DOCK3: variants seen among roughly 807,000 people sequenced by gnomAD.
DOCK3 encodes dedicator of cytokinesis 3.
In DOCK3, 60 loss-of-function variants were observed where a neutral mutation model predicts 265.6. That is an observed-to-expected ratio of 0.23 (90% CI 0.18 to 0.28). The LOEUF is 0.28. DOCK3 is among the 10% of genes least tolerant of loss of function. The probability of loss-of-function intolerance (pLI) is 1.00; values close to 1 mark genes in which losing one functional copy is unlikely to be tolerated. For missense variants in DOCK3, 1,981 were observed against 2,594.3 expected, an observed-to-expected ratio of 0.76 and a Z score of 5.14; for synonymous variants, 881 against 938.0, an observed-to-expected ratio of 0.94 and a Z score of 1.11.
At chr3:51,120,856 C>T (rs545735431) in intron 9 of DOCK3, among the ~76,000 whole-genome samples, 19 of 152,196 alleles carry the variant, frequency 1.2e-4, no homozygotes, top group African/African-American at 4.3e-4. Context: ...CAGACTTGTG[C>T]GCTGGCAGCA....
Position 50,854,591 on chromosome 3 carries a change from A to ATTTTTTTTTTTTTTTTTTT in DOCK3, c.162+12876_162+12877insTTTTTTTTTTTTTTTTTTT, listed in dbSNP as rs1559726991. Among the ~76,000 whole-genome samples, 15 of 4,326 alleles carry ATTTTTTTTTTTTTTTTTTT rather than the reference A, an allele frequency of 3.5e-3. 2 individuals are homozygous for ATTTTTTTTTTTTTTTTTTT. Among genetic ancestry groups the ATTTTTTTTTTTTTTTTTTT allele is most frequent in the African/African-American group, 5.9e-3 (14 of 2,356 alleles). 2.8% of individuals were successfully genotyped at this position (4,326 alleles called of 152,430 possible). ...AGCTACAGATGAGCACCATCACACC[A>ATTTTTTTTTTTTTTTTTTT]GTTTTTTTTTTTTTTTTTTGGTGGT... is the stretch of plus-strand genomic sequence containing the variant. On this transcript the variant is annotated intron_variant, in intron 3 of 52. Coordinates refer to ENST00000266037, the MANE Select transcript of DOCK3 (RefSeq NM_004947.5).
rs1319688306 is a variant in DOCK3 at position 50,690,305 on chromosome 3, T to A, written c.37+15005T>A. On this transcript the variant is annotated intron_variant, in intron 1 of 52. Transcript: ENST00000266037. Reference sequence around the variant, plus strand: ...GTGCCACCATGCCTGGCTGATTTTTTAAATTTTTTGTATGGATGGGGTCTT... The same window carrying A: ...GTGCCACCATGCCTGGCTGATTTTTAAAATTTTTTGTATGGATGGGGTCTT... Among the ~76,000 whole-genome samples the A allele has an allele frequency of 3.3e-5, 5 of 151,314 alleles. No individual in the cohort carries two copies. In the East Asian group the frequency reaches 6.0e-4, roughly 18 times the overall value.
At chr3:51,332,376 G>A (rs1576833480) in intron 33 of DOCK3, among the ~76,000 whole-genome samples, 1 of 152,330 alleles carries the variant, frequency 6.6e-6, no homozygotes, top group South Asian at 2.1e-4. Context: ...GGAGCATGGG[G>A]TTGTCAAGTA....
intron 5 of DOCK3, among the ~76,000 whole-genome samples, chr3:50,982,671 C>T (rs1405464693): frequency 3.3e-5 from 5 of 152,180 alleles, no homozygotes; most frequent in African/African-American, 9.6e-5. Context: ...ACGGAGCCAG[C>T]GGGAGCCAGG....
intron 1 of DOCK3, among the ~76,000 whole-genome samples, chr3:50,743,627 C>A (rs917784962): frequency 6.6e-6 from 1 of 152,032 alleles, no homozygotes; most frequent in Non-Finnish European, 1.5e-5. Flanking sequence ...ATCAATTCAA[C>A]AAGAAGAGCT....
intron 12 of DOCK3, among the ~76,000 whole-genome samples, chr3:51,172,533 C>T (rs1298757256): frequency 6.6e-6 from 1 of 152,140 alleles, no homozygotes; most frequent in East Asian, 1.9e-4. Flanking sequence ...TTATAGGCAG[C>T]ATATTGATGG....
At chr3:50,942,544 A>G (rs1232160707) in intron 5 of DOCK3, among the ~76,000 whole-genome samples, 2 of 152,034 alleles carry the variant, frequency 1.3e-5, no homozygotes, top group Non-Finnish European at 2.9e-5. Flanking sequence ...GTATTAATGT[A>G]TACAGTACAT....
chr3:50,867,416 T>C (rs1343176885), intron 3 of DOCK3, among the ~76,000 whole-genome samples: 1 of 152,192 alleles, frequency 6.6e-6, no homozygotes, highest in Non-Finnish European at 1.5e-5. Context: ...CTGTGTTTTT[T>C]TCTGTTGTCT....
At chr3:51,170,517 C>T (rs1433499979) in intron 12 of DOCK3, among the ~76,000 whole-genome samples, 1 of 152,010 alleles carries the variant, frequency 6.6e-6, no homozygotes, top group Non-Finnish European at 1.5e-5. Flanking sequence ...TATCTAATTT[C>T]TTAACATATA....
rs368826403 is a variant in DOCK3, at chr3:51,312,920, A to G, written c.3253+18A>G. The stretch of plus-strand genomic sequence containing the variant: ...GAATTTGGGTAGGTTTTTTCTCCCT[A>G]TTCTTCCCTTCTATATATTGCATAG... On this transcript the variant is annotated intron_variant, in intron 31 of 52. Transcript: ENST00000266037. 63 of 1,592,454 alleles carry G rather than the reference A, an allele frequency of 4.0e-5. No homozygotes were observed. The South Asian group carries it at 6.5e-4, about 16-fold the overall frequency.
At chr3:50,918,671 G>A (rs2050266543) in intron 4 of DOCK3, among the ~76,000 whole-genome samples, 1 of 152,208 alleles carries the variant, frequency 6.6e-6, no homozygotes, top group South Asian at 2.1e-4. Flanking sequence ...TGATTTGTCA[G>A]ATGGGTAGAT....
At chr3:51,071,376 G>A (rs1436177448) in intron 6 of DOCK3, among the ~76,000 whole-genome samples, 2 of 152,140 alleles carry the variant, frequency 1.3e-5, no homozygotes, top group African/African-American at 4.8e-5. Flanking sequence ...CAATTGGTAG[G>A]ACCATTTGTG....
chr3:50,828,652 G>T (rs981605552), intron 2 of DOCK3, among the ~76,000 whole-genome samples: 1 of 151,598 alleles, frequency 6.6e-6, no homozygotes, highest in Non-Finnish European at 1.5e-5. Context: ...TGATCTGCCC[G>T]CCTTGGCCCC....
chr3:51,370,834 GA>G (rs2087621933), intron 49 of DOCK3, among the ~76,000 whole-genome samples: 1 of 152,230 alleles, frequency 6.6e-6, no homozygotes, highest in Non-Finnish European at 1.5e-5. Flanking sequence ...TCACTGGCTG[GA>G]ATCATCTAAA....
chr3:50,955,408 A>C (rs986693706), intron 5 of DOCK3, among the ~76,000 whole-genome samples: 1 of 152,228 alleles, frequency 6.6e-6, no homozygotes, highest in African/African-American at 2.4e-5. Flanking sequence ...AGTGCCATTC[A>C]CAATAGTCAA....
At chr3:51,136,530 G>T (rs2084810929) in intron 9 of DOCK3, among the ~76,000 whole-genome samples, 1 of 152,074 alleles carries the variant, frequency 6.6e-6, no homozygotes, top group South Asian at 2.1e-4. Context: ...GAGCCACCGT[G>T]CCTGGCCTTG....
rs1323250092 is a variant in DOCK3 at position 51,075,392 on chromosome 3, T to C, written c.501T>C (p.Phe167=). ...TGGACCTGGTGCCTCGGAAGGACTT[T>C]GAAGTAGTGGACTCGGACCAGATTA... ...LGLDLVPRKD[F]EVVDSDQISV... The change falls in exon 7 of 53, where the codon TTT becomes TTC. Residue 167 remains phenylalanine, a synonymous_variant. Coordinates refer to ENST00000266037, the MANE Select transcript of DOCK3 (RefSeq NM_004947.5). 2 of 1,611,544 alleles carry C rather than the reference T, an allele frequency of 1.2e-6. No individual in the cohort carries two copies. Among genetic ancestry groups the C allele is most frequent in the Non-Finnish European group, 1.7e-6 (2 of 1,178,986 alleles).
At chr3:51,199,513 T>C (rs933433825) in intron 12 of DOCK3, among the ~76,000 whole-genome samples, 6 of 152,162 alleles carry the variant, frequency 3.9e-5, no homozygotes, top group East Asian at 1.9e-4. Flanking sequence ...CCCAGGCTTG[T>C]GTAAGTAAAC....
chr3:50,944,355 A>T (rs897617272), intron 5 of DOCK3, among the ~76,000 whole-genome samples: 5 of 152,182 alleles, frequency 3.3e-5, no homozygotes, highest in Non-Finnish European at 5.9e-5. Flanking sequence ...GTCATTAGAG[A>T]TTGAACTCCT....
Sources: gnomAD v4.1 joint callset for allele counts (sites outside exome capture counted in the v4.1 genomes callset) on GRCh38, gnomAD v4.1.1 for gene constraint, MANE v1.5 for transcripts, NCBI Gene and HGNC (gene_info 2026-07-23, HGNC 2026-07-21) for gene names.